The following ADCY3 variants were observed in gnomAD, a reference collection of about 807,000 sequenced individuals.
The protein encoded by ADCY3 is adenylate cyclase 3, also known as adenylate cyclase type 3.
In ADCY3, 70 loss-of-function variants were observed where a neutral mutation model predicts 119.4. The ratio of observed to expected loss-of-function variants is 0.59; its 90% confidence interval spans 0.48 to 0.72. The LOEUF is 0.72. Ranked by LOEUF, ADCY3 falls within the 30% of genes least tolerant of loss-of-function variation. The probability of loss-of-function intolerance (pLI) is 0.00; values close to 1 mark genes in which losing one functional copy is unlikely to be tolerated. For missense variants in ADCY3, 1,238 were observed against 1,541.6 expected, an observed-to-expected ratio of 0.80 and a Z score of 3.30; for synonymous variants, 672 against 621.4, an observed-to-expected ratio of 1.08 and a Z score of -1.21.
intron 2 of ADCY3, among the ~76,000 whole-genome samples, chr2:24,877,675 C>T (rs1383751649): frequency 6.6e-6 from 1 of 152,206 alleles, no homozygotes; most frequent in African/African-American, 2.4e-5. Flanking sequence ...AGACACCACA[C>T]TGGGTGAGTG....
intron 2 of ADCY3, among the ~76,000 whole-genome samples, chr2:24,910,283 G>A (rs1159064285): frequency 6.6e-6 from 1 of 152,132 alleles, no homozygotes; most frequent in African/African-American, 2.4e-5. Flanking sequence ...GCTCATTGCA[G>A]CATCCGGGGC....
At chr2:24,822,154 T>C in intron 19 of ADCY3, 1 of 208,942 alleles carries the variant, frequency 4.8e-6, no homozygotes, top group Non-Finnish European at 9.7e-6. Context: ...TAAATTAGCT[T>C]AACAAAAGAA....
At chr2:24,821,475 G>A (rs2148344754) in intron 20 of ADCY3, 42 bp downstream of exon 20, 2 of 1,608,378 alleles carry the variant, frequency 1.2e-6, no homozygotes, top group East Asian at 2.2e-5. Flanking sequence ...CCCTGCATGG[G>A]AAGGGAGCCT....
intron 3 of ADCY3, among the ~76,000 whole-genome samples, chr2:24,867,529 T>C (rs1218163203): frequency 1.3e-5 from 2 of 152,194 alleles, no homozygotes; most frequent in African/African-American, 2.4e-5. Flanking sequence ...CCTCTAGAAC[T>C]GTAAGTAGTA....
chr2:24,870,361 A>C (rs1414948552), intron 3 of ADCY3, among the ~76,000 whole-genome samples: 2 of 151,880 alleles, frequency 1.3e-5, no homozygotes, highest in East Asian at 1.9e-4. Flanking sequence ...AAAATCTCTC[A>C]AAAGTTTTAC....
intron 6 of ADCY3, chr2:24,840,566 G>A (rs549515523): frequency 3.4e-4 from 157 of 468,088 alleles, no homozygotes; most frequent in South Asian, 2.2e-3. Flanking sequence ...CTCGGAGAAG[G>A]GGGTAAAGAG....
intron 2 of ADCY3, among the ~76,000 whole-genome samples, chr2:24,897,308 C>T (rs1678401509): frequency 1.3e-5 from 2 of 151,580 alleles, no homozygotes; most frequent in South Asian, 2.1e-4. Flanking sequence ...TGTCTCTCTC[C>T]CTCTCTCTTT....
intron 2 of ADCY3, among the ~76,000 whole-genome samples, chr2:24,901,171 A>G (rs924500788): frequency 7.2e-5 from 11 of 152,232 alleles, no homozygotes; most frequent in Non-Finnish European, 1.6e-4. Flanking sequence ...GAGTCCCCAG[A>G]GCCGAGACAC....
chr2:24,889,332 G>A (rs1290518333), intron 2 of ADCY3, among the ~76,000 whole-genome samples: 5 of 152,216 alleles, frequency 3.3e-5, no homozygotes, highest in African/African-American at 1.2e-4. Flanking sequence ...AGCTGTGGAT[G>A]CGACATGTTA....
In ADCY3 at chr2:24,898,635, G is replaced by T. The variant is rs1036119005; in HGVS notation, c.675+19678C>A. Among the ~76,000 whole-genome samples the T allele has an allele frequency of 2.0e-5, 3 of 152,034 alleles. No homozygotes were observed. The highest frequency in any genetic ancestry group is 7.2e-5 in the African/African-American group (3 of 41,392). On this transcript the variant is annotated intron_variant, in intron 2 of 21. Transcript: ENST00000679454. The surrounding 1 kb of genome is among the most constrained non-coding windows in gnomAD (Gnocchi z 4.3). ...ACTGGAAAGGAGCCCTCCCATTTCC[G>T]CCTCTGACTTCCTTTCCACAAAGCA...
chr2:24,823,090 CG>C, intron 18 of ADCY3, 118 bp downstream of exon 18: 1 of 1,292,190 alleles, frequency 7.7e-7, no homozygotes, highest in Non-Finnish European at 1.0e-6. Flanking sequence ...CCATGTATTG[CG>C]GAAGGGGCTT....
Position 24,837,045 on chromosome 2 carries a change from C to T in ADCY3, c.1534G>A (p.Ala512Thr), listed in dbSNP as rs199731805. The change falls in exon 9 of 22, where the codon GCC becomes ACC. Residue 512 changes from alanine (A) to threonine (T), a missense_variant and splice_region_variant. This residue lies in a region of ADCY3 where 499 missense variants were observed against 571.0 expected (regional missense o/e 0.87). Transcript: ENST00000679454. ...GAAGCTGGTGCTCCATTGGGCAGGG[C>T]CTAGAGGAAAGGAGAGCTCAGCCAT... ...TATQNGLNGS[A>T]LPNGAPASSK... is the part of the protein sequence containing the mutation. The T allele has an allele frequency of 1.1e-4, 179 of 1,613,508 alleles. No individual in the cohort carries two copies. Among genetic ancestry groups the T allele is most frequent in the Admixed American group, 2.7e-4 (16 of 59,970 alleles).
Position 24,875,991 on chromosome 2 carries a change from G to GTT in ADCY3, c.676-3273_676-3272insAA, listed in dbSNP as rs200372442. On this transcript the variant is annotated intron_variant, in intron 2 of 21. Coordinates refer to ENST00000679454, the MANE Select transcript of ADCY3 (RefSeq NM_004036.5). ...AAGGAGTGTGGACTTCTTTTTGGGA[G>GTT]GGGGGCGGTGGTGCAGATAGAGACA... is the stretch of plus-strand genomic sequence containing the variant. 2.8e-3 allele frequency among the ~76,000 whole-genome samples: 423 copies of GTT among 150,276 alleles called. 16 individuals carry two copies. In the East Asian group the frequency reaches 0.046, roughly 16 times the overall value.
At chr2:24,914,675 CAAAA>C (rs70947853) in intron 2 of ADCY3, among the ~76,000 whole-genome samples, 4 of 120,994 alleles carry the variant, frequency 3.3e-5, no homozygotes, top group Admixed American at 8.8e-5. Context: ...AACTCTGTCT[CAAAA>C]AAAAAAAAAA....
intron 17 of ADCY3, among the ~76,000 whole-genome samples, chr2:24,824,058 G>T (rs547870952): frequency 3.3e-5 from 5 of 152,206 alleles, no homozygotes; most frequent in Non-Finnish European, 5.9e-5. Context: ...CTGTGAAGAC[G>T]AGGGTACCGT....
intron 3 of ADCY3, among the ~76,000 whole-genome samples, chr2:24,860,915 C>T (rs925044596): frequency 6.6e-6 from 1 of 152,212 alleles, no homozygotes; most frequent in African/African-American, 2.4e-5. Context: ...AGCCACATGG[C>T]CAGGGCTGCC....
At chr2:24,892,266 T>C (rs1677743343) in intron 2 of ADCY3, among the ~76,000 whole-genome samples, 2 of 151,692 alleles carry the variant, frequency 1.3e-5, no homozygotes, top group African/African-American at 2.4e-5. Flanking sequence ...TTTTTTTTTT[T>C]GAGATGGAGT....
In ADCY3 at chr2:24,821,987, G is replaced by A. The variant is rs567716165; in HGVS notation, c.3004-347C>T. ...TCAACTAGGTGATAAGCACTGGAGG[G>A]GGATGACCCGCCTTGGACGTGTTTC... On this transcript the variant is annotated intron_variant, in intron 19 of 21. Coordinates refer to ENST00000679454, the MANE Select transcript of ADCY3 (RefSeq NM_004036.5). 2.2e-4 allele frequency: 58 copies of A among 258,998 alleles called. No individual in the cohort carries two copies. In the South Asian group the frequency reaches 3.7e-3, roughly 17 times the overall value. The allele number at this position is 258,998 out of a possible 1,614,324, so 16.0% of individuals were successfully genotyped here.
rs1375742289 is a variant in ADCY3 at position 24,842,858 on chromosome 2, C to G, written c.826-474G>C. Among the ~76,000 whole-genome samples the G allele has an allele frequency of 6.6e-6, 1 of 152,254 alleles. No individual in the cohort carries two copies. On this transcript the variant is annotated intron_variant, in intron 3 of 21. Coordinates refer to ENST00000679454, the MANE Select transcript of ADCY3 (RefSeq NM_004036.5). This position sits in a 1 kb window ranked among gnomAD's most constrained non-coding sequence, Gnocchi z 4.9. ...CGAGGCGCCAGCGACACAAAACCAG[C>G]AAGAACGTCCACCTCAGAGAGCGGA...
Sources: allele counts gnomAD v4.1 joint callset (sites outside exome capture counted in the v4.1 genomes callset), GRCh38; gene constraint gnomAD v4.1.1; regional missense constraint gnomAD v4.1.1; non-coding constraint Gnocchi (gnomAD v3.1); transcripts MANE v1.5; gene names NCBI Gene and HGNC (gene_info 2026-07-23, HGNC 2026-07-21).